HPCAL1: variants seen among roughly 807,000 people sequenced by gnomAD.
The protein encoded by HPCAL1 is hippocalcin like 1.
Under a neutral mutation model 17.1 loss-of-function variants are expected in HPCAL1, and 8 were observed. The ratio of observed to expected loss-of-function variants is 0.47; its 90% CI spans 0.27 to 0.84. HPCAL1 has a LOEUF of 0.84. HPCAL1 is among the 40% of genes least tolerant of loss of function. The pLI is 0.13. For missense variants in HPCAL1, 165 were observed against 271.1 expected (o/e 0.61, Z 2.75); for synonymous variants, 112 against 111.4 (o/e 1.01, Z -0.03).
In HPCAL1 at chr2:10,400,121, G is replaced by A. The variant is rs114284712; in HGVS notation, c.-25+3201G>A. Among the ~76,000 whole-genome samples, 640 of 152,324 alleles carry A rather than the reference G, an allele frequency of 4.2e-3. 7 individuals carry two copies. Among genetic ancestry groups the A allele is most frequent in the African/African-American group, 0.015 (612 of 41,570 alleles). On this transcript the variant is annotated intron_variant, in intron 2 of 4. Transcript: ENST00000307845. The stretch of plus-strand genomic sequence containing the variant: ...CAAAGGCCTGCAGGAGGTCAGGGAC[G>A]GGCGTGCTTCTAGCTAAGGAGCAGC...
chr2:10,417,363 C>CA (rs956480768), intron 2 of HPCAL1, among the ~76,000 whole-genome samples: 45 of 140,882 alleles, frequency 3.2e-4, no homozygotes, highest in Middle Eastern at 3.9e-3. Context: ...AACTCCCTCT[C>CA]AAAAAAAAAC....
chr2:10,306,445 C>T (rs74936809), intron 1 of HPCAL1, among the ~76,000 whole-genome samples: 5,614 of 152,170 alleles, frequency 0.037, 139 homozygotes, highest in East Asian at 0.11. Flanking sequence ...GTTTCTGTGT[C>T]GTTCTTATGT....
intron 1 of HPCAL1, among the ~76,000 whole-genome samples, chr2:10,333,928 T>C (rs1391126203): frequency 6.6e-6 from 1 of 152,224 alleles, no homozygotes; most frequent in Non-Finnish European, 1.5e-5. Context: ...TTTGTAGATA[T>C]GTGTAACAGA....
chr2:10,427,076 C>CT lies in HPCAL1; in HGVS notation c.*257dup, dbSNP rs929985021. On this transcript the variant is annotated 3_prime_UTR_variant, in exon 5 of 5. Coordinates refer to ENST00000307845, the MANE Select transcript of HPCAL1 (RefSeq NM_002149.4). ...TGGTGACATGCAGGGTTCAAGTGTT[C>CT]TTGGTTCCAGGCACCTCCCGGCTCA... 1.8e-5 allele frequency: 9 copies of CT among 496,708 alleles called. No homozygotes were observed. Among genetic ancestry groups the CT allele is most frequent in the African/African-American group, 1.8e-4 (9 of 51,388 alleles). 30.8% of individuals were successfully genotyped at this position (496,708 alleles called of 1,614,324 possible).
chr2:10,311,162 CG>C (rs1483725823), intron 1 of HPCAL1, among the ~76,000 whole-genome samples: 3 of 152,158 alleles, frequency 2.0e-5, no homozygotes, highest in Admixed American at 6.5e-5. Flanking sequence ...GTTGTCCCCC[CG>C]CCCCCCAATC....
In HPCAL1 at chr2:10,360,827, TTCTCCTCTCTTGTC is replaced by T. The variant is rs1470924671; in HGVS notation, c.-110-35999_-110-35986del. ...CCAGCATAGTTAACCTGGGACTCTC[TTCTCCTCTCTTGTC>T]TCTCCTCTTCCTCCTATCTGGCCTG... On this transcript the variant is annotated intron_variant, in intron 1 of 4. Transcript: ENST00000307845. 2.0e-5 allele frequency among the ~76,000 whole-genome samples: 3 copies of T among 151,920 alleles called. No homozygotes were observed. The East Asian group carries it at 5.8e-4, about 30-fold the overall frequency.
At chr2:10,328,438 A>T (rs1209939754) in intron 1 of HPCAL1, among the ~76,000 whole-genome samples, 1 of 152,226 alleles carries the variant, frequency 6.6e-6, no homozygotes, top group East Asian at 1.9e-4. Flanking sequence ...TGTGTCTGGG[A>T]GGGAGTTTCT....
At chr2:10,380,747 CT>C (rs1667891465) in intron 1 of HPCAL1, among the ~76,000 whole-genome samples, 1 of 152,132 alleles carries the variant, frequency 6.6e-6, no homozygotes, top group African/African-American at 2.4e-5. Flanking sequence ...CCAGGTGGGG[CT>C]GGAGGCCCTT....
Position 10,395,113 on chromosome 2 carries a change from AAC to A in HPCAL1, c.-110-1677_-110-1676del, listed in dbSNP as rs55678486. ...TGTCCAGCCTAAAATCTATCTTTAAAACACACACACACACACACACACACACA... is the reference window on the plus strand; with the variant it reads ...TGTCCAGCCTAAAATCTATCTTTAAAACACACACACACACACACACACACA... On this transcript the variant is annotated intron_variant, in intron 1 of 4. Transcript: ENST00000307845. This position sits in a 1 kb window ranked among gnomAD's most constrained non-coding sequence, Gnocchi z 4.4. Among the ~76,000 whole-genome samples, 27,079 of 137,926 alleles carry A rather than the reference AAC, an allele frequency of 0.2. 2,768 individuals carry two copies. Among genetic ancestry groups the A allele is most frequent in the Admixed American group, 0.31 (4,231 of 13,588 alleles). 90.5% of individuals were successfully genotyped at this position (137,926 alleles called of 152,430 possible).
intron 2 of HPCAL1, among the ~76,000 whole-genome samples, chr2:10,412,773 T>G (rs144433416): frequency 6.6e-6 from 1 of 152,204 alleles, no homozygotes; most frequent in South Asian, 2.1e-4. Context: ...TTCTGGAATT[T>G]TGGGGCCCCA....
At chr2:10,321,091 A>G (rs1432693349) in intron 1 of HPCAL1, among the ~76,000 whole-genome samples, 1 of 152,200 alleles carries the variant, frequency 6.6e-6, no homozygotes, top group Non-Finnish European at 1.5e-5. Flanking sequence ...TACAGGAAGC[A>G]TGGTGCTGGC....
chr2:10,403,704 A>G (rs1253337441), intron 2 of HPCAL1, among the ~76,000 whole-genome samples: 1 of 151,952 alleles, frequency 6.6e-6, no homozygotes. Context: ...GCTGGTCTTG[A>G]ACTCCTGACT....
chr2:10,361,202 G>A (rs571629087), intron 1 of HPCAL1, among the ~76,000 whole-genome samples: 21 of 150,756 alleles, frequency 1.4e-4, no homozygotes, highest in Non-Finnish European at 2.8e-4. Context: ...GGGTGGTCGG[G>A]CTCGTGGGGA....
chr2:10,324,973 C>T (rs1356399722), intron 1 of HPCAL1, among the ~76,000 whole-genome samples: 1 of 151,144 alleles, frequency 6.6e-6, no homozygotes, highest in Non-Finnish European at 1.5e-5. Flanking sequence ...CAGGCCTGCA[C>T]CACCACGCCC....
intron 1 of HPCAL1, among the ~76,000 whole-genome samples, chr2:10,386,784 T>A (rs1176219711): frequency 6.6e-6 from 1 of 152,186 alleles, no homozygotes; most frequent in Non-Finnish European, 1.5e-5. Context: ...CCCCGCTGCC[T>A]GGACCCCTTC....
At chr2:10,364,639 C>T (rs151319558) in intron 1 of HPCAL1, among the ~76,000 whole-genome samples, 2,411 of 151,034 alleles carry the variant, frequency 0.016, 67 homozygotes, top group African/African-American at 0.055. Flanking sequence ...GGCTGGAGTG[C>T]GGTGGTGCGA....
intron 1 of HPCAL1, among the ~76,000 whole-genome samples, chr2:10,353,981 C>A (rs1033409532): frequency 6.6e-6 from 1 of 152,146 alleles, no homozygotes; most frequent in Non-Finnish European, 1.5e-5. Context: ...ATGCTGGATC[C>A]CTGGGTTGAG....
chr2:10,368,885 T>A (rs113732255), intron 1 of HPCAL1: 1 of 152,232 alleles, frequency 6.6e-6, no homozygotes. Context: ...ATTATTTGAT[T>A]GTATCTGTTG....
At chr2:10,358,668 C>T (rs973916985) in intron 1 of HPCAL1, among the ~76,000 whole-genome samples, 7 of 152,148 alleles carry the variant, frequency 4.6e-5, no homozygotes, top group Admixed American at 2.6e-4. Context: ...GATGCCGGCA[C>T]GCTGGCAGGC....
Sources: gnomAD v4.1 joint callset for allele counts (sites outside exome capture counted in the v4.1 genomes callset) on GRCh38, gnomAD v4.1.1 for gene constraint, Gnocchi (gnomAD v3.1) non-coding constraint, MANE v1.5 for transcripts, NCBI Gene and HGNC (gene_info 2026-07-23, HGNC 2026-07-21) for gene names.